The following CCDC62 variants were observed in gnomAD, a reference collection of about 807,000 sequenced individuals.
CCDC62 encodes the protein coiled-coil domain containing 62.
In CCDC62, 72 loss-of-function variants were observed where a neutral mutation model predicts 80.8. The observed-to-expected ratio is 0.89, with a 90% confidence interval of 0.74 to 1.08. CCDC62 has a LOEUF of 1.08. CCDC62 is among the 50% of genes least tolerant of loss of function. The pLI, the probability that CCDC62 is intolerant of heterozygous loss-of-function variation, is 0.00. For synonymous variants in CCDC62, 286 were observed against 296.5 expected (o/e 0.96, Z 0.36); for missense variants, 704 against 809.4 (o/e 0.87, Z 1.58).
chr12:122,791,679 C>T (rs2030615400), intron 5 of CCDC62, among the ~76,000 whole-genome samples: 1 of 152,170 alleles, frequency 6.6e-6, no homozygotes, highest in Non-Finnish European at 1.5e-5. Flanking sequence ...GAACTCCTGG[C>T]CTCAAGTGGT....
chr12:122,780,438 C>G (rs1175929876), intron 2 of CCDC62, among the ~76,000 whole-genome samples: 1 of 151,526 alleles, frequency 6.6e-6, no homozygotes, highest in African/African-American at 2.4e-5. Context: ...ACGGTGAAAC[C>G]CCGTCTCTAC....
chr12:122,822,871 C>T (rs2032471392), intron 11 of CCDC62, among the ~76,000 whole-genome samples: 1 of 152,202 alleles, frequency 6.6e-6, no homozygotes, highest in Non-Finnish European at 1.5e-5. Flanking sequence ...CTGATCCACT[C>T]ATCTGCTGAC....
intron 10 of CCDC62, among the ~76,000 whole-genome samples, chr12:122,812,817 A>G (rs564805822): frequency 4.7e-4 from 71 of 149,972 alleles, no homozygotes; most frequent in African/African-American, 1.7e-3. Flanking sequence ...GAAAGAAAGA[A>G]AGAAAGAAAG....
intron 6 of CCDC62, among the ~76,000 whole-genome samples, chr12:122,795,200 G>A (rs1265964510): frequency 1.3e-5 from 2 of 151,246 alleles, no homozygotes; most frequent in East Asian, 2.0e-4. Context: ...GCAGGCACAC[G>A]TCACGACACC....
chr12:122,813,415 C>T lies in CCDC62; in HGVS notation c.1997C>T (p.Thr666Ile), dbSNP rs778614854. 1.2e-6 allele frequency: 2 copies of T among 1,611,010 alleles called. No homozygotes were observed. Among genetic ancestry groups the T allele is most frequent in the East Asian group, 4.5e-5 (2 of 44,776 alleles). Residue 666 changes from threonine to isoleucine, a missense_variant, in exon 11 of 13, where the codon ACA becomes ATA. Thr to Ile is a moderately conservative substitution (Grantham distance 89, BLOSUM62 -1). Transcript: ENST00000253079. Reference protein sequence around the residue: ...ISHENLTGSATNKSEVPEESA... With the variant: ...ISHENLTGSAINKSEVPEESA... ...CATGAGAATCTCACTGGCAGTGCCACAAATGTATGCGTTTCATTTTCTCTT... is the reference window on the plus strand; with the variant it reads ...CATGAGAATCTCACTGGCAGTGCCATAAATGTATGCGTTTCATTTTCTCTT...
chr12:122,780,379 C>T (rs537244445), intron 2 of CCDC62, among the ~76,000 whole-genome samples: 163 of 149,268 alleles, frequency 1.1e-3, no homozygotes, highest in Non-Finnish European at 1.9e-3. Context: ...TTTGGGAGGC[C>T]GAGGTGGGCT....
intron 1 of CCDC62, 26 bp from the exon 2 acceptor site, chr12:122,777,465 G>T: frequency 6.3e-7 from 1 of 1,576,660 alleles, no homozygotes; most frequent in South Asian, 1.2e-5. Flanking sequence ...ATTCTATTTT[G>T]ATGTGAAACC....
At chr12:122,797,475 C>A in intron 7 of CCDC62, 80 bp downstream of exon 7, 1 of 753,556 alleles carries the variant, frequency 1.3e-6, no homozygotes, top group South Asian at 1.5e-5. Context: ...GTATGCCCGT[C>A]GATTTTGTTT....
In CCDC62 at chr12:122,798,168, A is replaced by G. The variant is rs1372824377; in HGVS notation, c.945A>G (p.Ser315=). The change falls in exon 8 of 13, where the codon TCA becomes TCG. Residue 315 remains serine, a synonymous_variant. Transcript: ENST00000253079. ...AGGAATTAATACAGATGTATGACTC[A>G]AAGATGGAGGAATCAAAGGCTCTGG... ...NSQELIQMYD[S]KMEESKALDS... 3.8e-6 allele frequency: 6 copies of G among 1,582,526 alleles called. No individual in the cohort carries two copies. The highest frequency in any genetic ancestry group is 5.2e-6 in the Non-Finnish European group (6 of 1,151,908).
chr12:122,789,029 C>T, intron 5 of CCDC62, 100 bp downstream of exon 5: 1 of 907,104 alleles, frequency 1.1e-6, no homozygotes, highest in Non-Finnish European at 1.6e-6. Context: ...TAGATCAATT[C>T]CTGGCCTTAG....
intron 6 of CCDC62, among the ~76,000 whole-genome samples, chr12:122,793,434 G>C (rs2030751680): frequency 6.6e-6 from 1 of 152,148 alleles, no homozygotes; most frequent in African/African-American, 2.4e-5. Flanking sequence ...GTCATTCTCA[G>C]TTGGGAGTGG....
chr12:122,783,640 A>G (rs1324265436), intron 3 of CCDC62, among the ~76,000 whole-genome samples: 3 of 152,202 alleles, frequency 2.0e-5, no homozygotes, highest in Non-Finnish European at 4.4e-5. Context: ...TATTCTAGAT[A>G]GTTTCTAGCT....
chr12:122,811,602 C>T (rs2031889587), intron 10 of CCDC62, among the ~76,000 whole-genome samples: 1 of 150,804 alleles, frequency 6.6e-6, no homozygotes, highest in African/African-American at 2.4e-5. Flanking sequence ...GGGGGATCAC[C>T]TAAGGTCAGG....
intron 4 of CCDC62, among the ~76,000 whole-genome samples, chr12:122,787,552 C>T (rs1226974677): frequency 6.6e-6 from 1 of 151,360 alleles, no homozygotes; most frequent in Non-Finnish European, 1.5e-5. Context: ...GAGATTGAGA[C>T]CATCCTGGCT....
chr12:122,775,849 G>A (rs1329216573), intron 1 of CCDC62, among the ~76,000 whole-genome samples: 1 of 152,212 alleles, frequency 6.6e-6, no homozygotes, highest in African/African-American at 2.4e-5. Context: ...CCGACCTCAG[G>A]TGATCTGCCC....
intron 6 of CCDC62, among the ~76,000 whole-genome samples, chr12:122,796,874 CT>C: frequency 6.9e-6 from 1 of 145,540 alleles, no homozygotes; most frequent in Non-Finnish European, 1.5e-5. Flanking sequence ...CAAATCACTT[CT>C]TCTTTTTTTT....
In CCDC62 at chr12:122,798,210, G is replaced by A. The variant is rs1371941713; in HGVS notation, c.977+10G>A. 1.6e-6 allele frequency: 2 copies of A among 1,227,964 alleles called. No homozygotes were observed. Among genetic ancestry groups the A allele is most frequent in the East Asian group, 4.6e-5 (2 of 43,054 alleles). The allele number at this position is 1,227,964 out of a possible 1,614,324, so 76.1% of individuals were successfully genotyped here. ...AGGCTCTGGACTCCAGGTAATCTTA[G>A]CAAGATGCAATTAATATGATCTTGT... On this transcript the variant is annotated intron_variant, in intron 8 of 12. Transcript: ENST00000253079.
chr12:122,777,852 C>T (rs1879577574), intron 2 of CCDC62, among the ~76,000 whole-genome samples, 169 bp downstream of exon 2: 1 of 152,114 alleles, frequency 6.6e-6, no homozygotes, highest in African/African-American at 2.4e-5. Context: ...GACAGACACA[C>T]ACAAATAAAG....
chr12:122,819,090 T>C (rs1234732233), intron 11 of CCDC62, among the ~76,000 whole-genome samples: 1 of 152,120 alleles, frequency 6.6e-6, no homozygotes, highest in Non-Finnish European at 1.5e-5. Context: ...GCTCCAGATA[T>C]CATACATTTT....
Sources: allele counts gnomAD v4.1 joint callset (sites outside exome capture counted in the v4.1 genomes callset), GRCh38; gene constraint gnomAD v4.1.1; transcripts MANE v1.5; gene names NCBI Gene and HGNC (gene_info 2026-07-23, HGNC 2026-07-21).